Variants in MGAT4C observed in about 807,000 individuals in gnomAD.
The protein encoded by MGAT4C is alpha-1,3-mannosyl-glycoprotein 4-beta-N-acetylglucosaminyltransferase C.
In MGAT4C, 19 loss-of-function variants were observed where a neutral mutation model predicts 40.1. That is an observed-to-expected ratio of 0.47 (90% CI 0.33 to 0.70). The LOEUF (loss-of-function observed/expected upper bound fraction) is 0.70. Ranked by LOEUF, MGAT4C falls within the 30% of genes least tolerant of loss-of-function variation. MGAT4C has a pLI of 0.02. For missense variants in MGAT4C, 491 were observed against 563.2 expected (o/e 0.87, Z 1.30); for synonymous variants, 181 against 187.1 (o/e 0.97, Z 0.27).
intron 2 of MGAT4C, among the ~76,000 whole-genome samples, chr12:86,474,992 A>T (rs568895563): frequency 6.6e-6 from 1 of 152,310 alleles, no homozygotes; most frequent in Admixed American, 6.5e-5. Flanking sequence ...AAAAATACAA[A>T]GTTAGAAGTT....
chr12:86,639,589 C>T (rs1302605930), intron 2 of MGAT4C, among the ~76,000 whole-genome samples: 1 of 151,532 alleles, frequency 6.6e-6, no homozygotes, highest in Non-Finnish European at 1.5e-5. Flanking sequence ...TAAAAAGTGT[C>T]TAAGTTCTTT....
intron 1 of MGAT4C, among the ~76,000 whole-genome samples, chr12:86,105,275 G>GC (rs1485029748): frequency 2.0e-5 from 3 of 152,030 alleles, no homozygotes; most frequent in African/African-American, 7.2e-5. Flanking sequence ...GGGGTGAAGG[G>GC]CAGGGGAGTC....
intron 2 of MGAT4C, among the ~76,000 whole-genome samples, chr12:86,677,769 T>C (rs1429466091): frequency 6.6e-6 from 1 of 152,112 alleles, no homozygotes; most frequent in Non-Finnish European, 1.5e-5. Flanking sequence ...TGGTCAAATG[T>C]AAAAATATGA....
intron 3 of MGAT4C, among the ~76,000 whole-genome samples, chr12:86,334,471 T>A (rs755524070): frequency 9.9e-5 from 15 of 152,134 alleles, no homozygotes; most frequent in Non-Finnish European, 1.9e-4. Flanking sequence ...AAATAAGCCA[T>A]GTAACTTAGA....
intron 4 of MGAT4C, among the ~76,000 whole-genome samples, chr12:86,295,668 G>A (rs1037525791): frequency 3.3e-5 from 5 of 152,240 alleles, no homozygotes; most frequent in East Asian, 1.9e-4. Flanking sequence ...TGGTAGAGCC[G>A]AGTGGCCTGT....
intron 2 of MGAT4C, among the ~76,000 whole-genome samples, chr12:86,502,628 T>G (rs938792814): frequency 1.0e-4 from 15 of 149,432 alleles, no homozygotes; most frequent in Non-Finnish European, 1.9e-4. Flanking sequence ...TATATATATA[T>G]ATGATTTCTG....
chr12:85,979,687 T>C lies in MGAT4C; in HGVS notation c.1039A>G (p.Thr347Ala). 1 of 1,613,444 alleles carries C rather than the reference T, an allele frequency of 6.2e-7. No homozygotes were observed. Among genetic ancestry groups the C allele is most frequent in the Non-Finnish European group, 8.5e-7 (1 of 1,179,790 alleles). The stretch of plus-strand genomic sequence containing the variant: ...TAATTTTCAAACACATTCATGTTGG[T>C]GTACAGACTTGCAGGGGGGTTATCA... ...IPDNPPASLY[T>A]NMNVFENYEA... Residue 347 changes from threonine (T) to alanine (A), a missense_variant, in exon 5 of 5, where the codon ACC becomes GCC. Transcript: ENST00000611864.
At chr12:86,785,860 T>A (rs982205906) in intron 1 of MGAT4C, among the ~76,000 whole-genome samples, 9 of 152,008 alleles carry the variant, frequency 5.9e-5, no homozygotes, top group African/African-American at 2.2e-4. Context: ...ATTTTCCCAT[T>A]TTCTCTGTTG....
At position 86,813,978 on chromosome 12, in the gene MGAT4C, T is replaced by C. The variant is rs779738634; in HGVS notation, c.-262+24688A>G. On this transcript the variant is annotated intron_variant, in intron 1 of 7. Transcript: ENST00000548651. ...TAGGCTAGAGTGCAGTGGCACGATA[T>C]TGGCTCACTGCAACCTCCGCCACCC... 2.1e-4 allele frequency among the ~76,000 whole-genome samples: 32 copies of C among 151,838 alleles called. 1 individual carries two copies. The highest frequency in any genetic ancestry group is 4.0e-4 in the Non-Finnish European group (27 of 67,980).
intron 1 of MGAT4C, among the ~76,000 whole-genome samples, chr12:86,807,606 A>C (rs1203603466): frequency 6.6e-6 from 1 of 152,124 alleles, no homozygotes; most frequent in Non-Finnish European, 1.5e-5. Flanking sequence ...GTATCTTTGT[A>C]AAAGAATGAT....
chr12:86,410,625 C>T (rs1340217378), intron 3 of MGAT4C, among the ~76,000 whole-genome samples: 1 of 151,950 alleles, frequency 6.6e-6, no homozygotes, highest in Non-Finnish European at 1.5e-5. Context: ...AAATAGTGGT[C>T]CTGAGGTGAC....
At chr12:86,344,623 G>A (rs1329076310) in intron 3 of MGAT4C, among the ~76,000 whole-genome samples, 1 of 151,560 alleles carries the variant, frequency 6.6e-6, no homozygotes. Flanking sequence ...TATACAAAGT[G>A]TTTAAAGATT....
At chr12:86,591,378 T>G (rs989381592) in intron 2 of MGAT4C, among the ~76,000 whole-genome samples, 4 of 151,978 alleles carry the variant, frequency 2.6e-5, no homozygotes, top group Non-Finnish European at 5.9e-5. Flanking sequence ...CTTTTAAAAT[T>G]TATGGCAATT....
intron 2 of MGAT4C, among the ~76,000 whole-genome samples, chr12:86,598,954 T>G (rs1048755600): frequency 1.6e-4 from 24 of 152,140 alleles, no homozygotes; most frequent in Admixed American, 3.9e-4. Flanking sequence ...AAATAAATAC[T>G]GAAGCTAACA....
chr12:86,704,796 T>C (rs923644452), intron 2 of MGAT4C, among the ~76,000 whole-genome samples: 12 of 152,174 alleles, frequency 7.9e-5, no homozygotes, highest in African/African-American at 2.9e-4. Flanking sequence ...TAACACATGA[T>C]ATATTACTAC....
chr12:86,403,055 C>T (rs932450274), intron 3 of MGAT4C, among the ~76,000 whole-genome samples: 4 of 152,116 alleles, frequency 2.6e-5, no homozygotes, highest in African/African-American at 9.7e-5. Flanking sequence ...TTTATATTGG[C>T]CATGACTATC....
At chr12:86,713,840 C>A (rs949954746) in intron 2 of MGAT4C, among the ~76,000 whole-genome samples, 3 of 151,618 alleles carry the variant, frequency 2.0e-5, no homozygotes, top group Non-Finnish European at 4.4e-5. Flanking sequence ...GGCCTCAGCA[C>A]CTACGGACTT....
intron 1 of MGAT4C, among the ~76,000 whole-genome samples, chr12:86,076,136 G>T (rs1869656175): frequency 6.6e-6 from 1 of 152,088 alleles, no homozygotes; most frequent in African/African-American, 2.4e-5. Flanking sequence ...AATTTATTTT[G>T]CCAGATACCC....
Position 86,316,245 on chromosome 12 carries a change from G to A in MGAT4C, c.-57+17820C>T, listed in dbSNP as rs148526751. ...ATGCTGGTGAGGCTGCAGAGGAAAG[G>A]GAATGCTTATACACTGTTGGTGGGG... is the stretch of plus-strand genomic sequence containing the variant. On this transcript the variant is annotated intron_variant, in intron 4 of 7. Transcript: ENST00000548651. Among the ~76,000 whole-genome samples, 49 of 152,204 alleles carry A rather than the reference G, an allele frequency of 3.2e-4. 1 individual carries two copies. Among genetic ancestry groups the A allele is most frequent in the African/African-American group, 1.2e-3 (48 of 41,528 alleles).
Sources: gnomAD v4.1 joint callset for allele counts (sites outside exome capture counted in the v4.1 genomes callset) on GRCh38, gnomAD v4.1.1 for gene constraint, MANE v1.5 for transcripts, NCBI Gene and HGNC (gene_info 2026-07-23, HGNC 2026-07-21) for gene names.